Variants in MYO7B observed in about 807,000 individuals in gnomAD.
MYO7B encodes myosin VIIB, also known as unconventional myosin-VIIb.
Under a neutral mutation model 259.7 loss-of-function variants are expected in MYO7B, and 212 were observed. The ratio of observed to expected loss-of-function variants is 0.82; its 90% confidence interval spans 0.73 to 0.91. The LOEUF is 0.91. MYO7B is among the 40% of genes least tolerant of loss of function. MYO7B has a pLI of 0.00. For synonymous variants in MYO7B, 1,197 were observed against 1,166.4 expected (o/e 1.03, Z -0.54); for missense variants, 2,732 against 2,813.5 (o/e 0.97, Z 0.66).
rs10175248 is a variant in MYO7B at position 127,618,270 on chromosome 2, G to A, written c.3399-2070G>A. ...CGAGACGGAACGAAGGGGGATGAACGTAGAAATGAAAACTTAAAACAAAAG... is the reference window on the plus strand; with the variant it reads ...CGAGACGGAACGAAGGGGGATGAACATAGAAATGAAAACTTAAAACAAAAG... On this transcript the variant is annotated intron_variant, in intron 26 of 47. Coordinates refer to ENST00000409816, the MANE Select transcript of MYO7B (RefSeq NM_001393586.1). 1.8e-3 allele frequency among the ~76,000 whole-genome samples: 280 copies of A among 152,280 alleles called. 1 individual carries two copies. Among genetic ancestry groups the A allele is most frequent in the African/African-American group, 6.4e-3 (268 of 41,554 alleles).
chr2:127,544,136 A>G (rs1693122946), intron 1 of MYO7B, among the ~76,000 whole-genome samples: 1 of 150,160 alleles, frequency 6.7e-6, no homozygotes, highest in African/African-American at 2.5e-5. Flanking sequence ...AAGTGCAGTG[A>G]TGCAATCATA....
intron 7 of MYO7B, 65 bp downstream of exon 7, chr2:127,574,127 T>G: frequency 6.3e-7 from 1 of 1,585,074 alleles, no homozygotes; most frequent in Non-Finnish European, 8.6e-7. Flanking sequence ...GAGGGGCCCC[T>G]TTCCCACTCT....
In MYO7B at chr2:127,636,267, C is replaced by T; in HGVS notation, c.6066C>T (p.Ala2022=). The T allele has an allele frequency of 6.2e-7, 1 of 1,613,628 alleles. No homozygotes were observed. Among genetic ancestry groups the T allele is most frequent in the Admixed American group, 1.7e-5 (1 of 60,004 alleles). ...KDKTVEEAKV[A]FLKWICRWPT... The stretch of plus-strand genomic sequence containing the variant: ...AGACAGTGGAGGAGGCCAAGGTGGC[C>T]TTCCTGAAGTGGATCTGCCGGTGGC... Residue 2022 remains alanine (A), a synonymous_variant, in exon 45 of 48, where the codon GCC becomes GCT. Coordinates refer to ENST00000409816, the MANE Select transcript of MYO7B (RefSeq NM_001393586.1). This position sits in a 1 kb window ranked among gnomAD's most constrained non-coding sequence, Gnocchi z 4.5.
intron 16 of MYO7B, among the ~76,000 whole-genome samples, chr2:127,591,136 C>T (rs1214491219): frequency 6.6e-6 from 1 of 152,204 alleles, no homozygotes; most frequent in African/African-American, 2.4e-5. Flanking sequence ...CTGCAGTGAA[C>T]TATGATCACA....
intron 6 of MYO7B, among the ~76,000 whole-genome samples, chr2:127,572,042 C>T (rs544566977): frequency 4.3e-4 from 65 of 152,140 alleles, no homozygotes; most frequent in Non-Finnish European, 1.0e-4. Flanking sequence ...AGTTTTAGGT[C>T]TTATATTTAG....
intron 4 of MYO7B, among the ~76,000 whole-genome samples, chr2:127,565,628 CAGTGA>C (rs1678302596): frequency 6.6e-6 from 1 of 152,242 alleles, no homozygotes; most frequent in Non-Finnish European, 1.5e-5. Flanking sequence ...AGTCTCTGCT[CAGTGA>C]GGGCTGCAGA....
rs374881306 is a variant in MYO7B at position 127,566,678 on chromosome 2, G to A, written c.321G>A (p.Pro107=). The change falls in exon 5 of 48, where the codon CCG becomes CCA. Residue 107 remains proline (P), a synonymous_variant. Coordinates refer to ENST00000409816, the MANE Select transcript of MYO7B (RefSeq NM_001393586.1). ...YTGSILVAVN[P]FQVLPLYTLE... is the part of the protein sequence containing the mutation. ...GCTCCATCCTGGTGGCCGTCAACCC[G>A]TTCCAGGTGCTGCCGCTCTACACCC... The A allele has an allele frequency of 7.6e-5, 122 of 1,603,336 alleles. No individual in the cohort carries two copies. The highest frequency in any genetic ancestry group is 1.8e-4 in the South Asian group (16 of 89,556).
At chr2:127,563,920 T>C (rs970291898) in intron 2 of MYO7B, among the ~76,000 whole-genome samples, 1 of 152,184 alleles carries the variant, frequency 6.6e-6, no homozygotes, top group African/African-American at 2.4e-5. Flanking sequence ...TCTTGTCAGC[T>C]TATTGTCCCA....
At chr2:127,633,075 C>T (rs948603980) in intron 39 of MYO7B, among the ~76,000 whole-genome samples, 183 bp from the exon 40 acceptor site, 1 of 152,370 alleles carries the variant, frequency 6.6e-6, no homozygotes, top group East Asian at 1.9e-4. Flanking sequence ...ACCATCACTA[C>T]CTCTGAGGCC....
chr2:127,552,226 T>A (rs1317911569), intron 1 of MYO7B, among the ~76,000 whole-genome samples: 1 of 152,128 alleles, frequency 6.6e-6, no homozygotes. Flanking sequence ...ACAGTGAGGG[T>A]GTTTCAATAT....
In MYO7B at chr2:127,627,545, C is replaced by G; in HGVS notation, c.4460+235C>G. On this transcript the variant is annotated intron_variant, in intron 33 of 47. Coordinates refer to ENST00000409816, the MANE Select transcript of MYO7B (RefSeq NM_001393586.1). The surrounding 1 kb of genome is among the most constrained non-coding windows in gnomAD (Gnocchi z 5.6). ...GCATCACGCGTTGCACTGGCAGCTT[C>G]TCTTTGAAACCCAGGTCCACCCGGA... The G allele has an allele frequency of 1.5e-6, 1 of 659,270 alleles. No individual in the cohort carries two copies. The allele number at this position is 659,270 out of a possible 1,614,324, so 40.8% of individuals were successfully genotyped here.
In MYO7B at chr2:127,574,015, G is replaced by A. The variant is rs768991281; in HGVS notation, c.688G>A (p.Ala230Thr). 9.3e-6 allele frequency: 15 copies of A among 1,613,914 alleles called. No homozygotes were observed. Among genetic ancestry groups the A allele is most frequent in the Admixed American group, 5.0e-5 (3 of 60,002 alleles). ...YFNPSGVIEG[A>T]RIEQFLLEKS... ...TAACCCCAGCGGGGTGATCGAGGGC[G>A]CGCGCATCGAGCAATTTCTCCTGGA... The change falls in exon 7 of 48, where the codon GCG (alanine) becomes ACG (threonine). Residue 230 changes from alanine (A) to threonine (T), a missense_variant. By Grantham distance (58) the Ala-to-Thr change is moderately conservative. Transcript: ENST00000409816.
intron 47 of MYO7B, 65 bp from the exon 48 acceptor site, chr2:127,637,251 C>T: frequency 8.0e-7 from 1 of 1,253,664 alleles, no homozygotes; most frequent in South Asian, 1.3e-5. Flanking sequence ...AAGGTGGTCC[C>T]TGAGTCCAGG....
chr2:127,539,356 T>C lies in MYO7B; in HGVS notation c.-24+3525T>C, dbSNP rs1692916296. On this transcript the variant is annotated intron_variant, in intron 1 of 47. Transcript: ENST00000409816. The surrounding 1 kb of genome is among the most constrained non-coding windows in gnomAD (Gnocchi z 4.0). ...TGCTAGGCATAGACACAAAATTTGT[T>C]CTGAACTTCCAGATAGTCACGCACA... 6.6e-6 allele frequency among the ~76,000 whole-genome samples: 1 copy of C among 152,218 alleles called. No individual in the cohort carries two copies. The highest frequency in any genetic ancestry group is 1.5e-5 in the Non-Finnish European group (1 of 68,044).
At position 127,590,175 on chromosome 2, in the gene MYO7B, C is replaced by T; in HGVS notation, c.1938C>T (p.Asn646=). The change falls in exon 16 of 48, where the codon AAC becomes AAT. Residue 646 remains asparagine, a synonymous_variant. Coordinates refer to ENST00000409816, the MANE Select transcript of MYO7B (RefSeq NM_001393586.1). The surrounding 1 kb of genome is among the most constrained non-coding windows in gnomAD (Gnocchi z 4.6). ...ACCAGCTGATGAAAATCCTGACCAA[C>T]TGCCAGCCTTACTTCATCCGCTGCA... ...SLDQLMKILT[N]CQPYFIRCIK... 6.2e-7 allele frequency: 1 copy of T among 1,612,866 alleles called. No individual in the cohort carries two copies. Among genetic ancestry groups the T allele is most frequent in the Non-Finnish European group, 8.5e-7 (1 of 1,179,736 alleles).
chr2:127,631,658 C>T lies in MYO7B; in HGVS notation c.5154C>T (p.Leu1718=). 6.2e-7 allele frequency: 1 copy of T among 1,613,094 alleles called. No individual in the cohort carries two copies. The highest frequency in any genetic ancestry group is 8.5e-7 in the Non-Finnish European group (1 of 1,179,872). Residue 1718 remains leucine, a synonymous_variant, in exon 38 of 48, where the codon CTC becomes CTT. Coordinates refer to ENST00000409816, the MANE Select transcript of MYO7B (RefSeq NM_001393586.1). ...PSRQAWPTLE[L]TDQIFTLALQ... Reference sequence around the variant, plus strand: ...GGCAGGCCTGGCCCACCCTGGAGCTCACCGACCAGATCTTCACACTGGCCC... The same window carrying T: ...GGCAGGCCTGGCCCACCCTGGAGCTTACCGACCAGATCTTCACACTGGCCC...
chr2:127,544,827 G>A (rs1005101644), intron 1 of MYO7B, among the ~76,000 whole-genome samples: 2 of 151,932 alleles, frequency 1.3e-5, no homozygotes, highest in Non-Finnish European at 1.5e-5. Flanking sequence ...TGATCCACCC[G>A]CCTCGGCCTC....
chr2:127,596,643 T>TG (rs1335972534), intron 19 of MYO7B, 87 bp downstream of exon 19: 1 of 1,105,252 alleles, frequency 9.0e-7, no homozygotes, highest in Non-Finnish European at 1.3e-6. Flanking sequence ...CAGGATCACA[T>TG]GTTCCCGCTG....
intron 6 of MYO7B, among the ~76,000 whole-genome samples, chr2:127,570,700 T>G (rs1301185261): frequency 2.0e-5 from 3 of 152,112 alleles, no homozygotes; most frequent in Admixed American, 6.5e-5. Flanking sequence ...CATCATGAAA[T>G]AGAATTTTCC....
Sources: gnomAD v4.1 joint callset for allele counts (sites outside exome capture counted in the v4.1 genomes callset) on GRCh38, gnomAD v4.1.1 for gene constraint, Gnocchi (gnomAD v3.1) non-coding constraint, MANE v1.5 for transcripts, NCBI Gene and HGNC (gene_info 2026-07-23, HGNC 2026-07-21) for gene names.